The following PCDH15 variants were observed in gnomAD, a reference collection of about 807,000 sequenced individuals.
The protein encoded by PCDH15 is protocadherin-15.
Under a neutral mutation model 178.5 loss-of-function variants are expected in PCDH15, and 129 were observed. The ratio of observed to expected loss-of-function variants is 0.72; its 90% CI spans 0.63 to 0.84. The LOEUF (loss-of-function observed/expected upper bound fraction) is 0.84, where lower values mean the gene tolerates loss of function less well. PCDH15 is among the 40% of genes least tolerant of loss of function. PCDH15 has a pLI of 0.00. For synonymous variants in PCDH15, 800 were observed against 732.0 expected (o/e 1.09, Z -1.50); for missense variants, 2,230 against 2,099.9 (o/e 1.06, Z -1.21).
intron 5 of PCDH15, among the ~76,000 whole-genome samples, chr10:54,360,590 G>A (rs1314223262): frequency 6.6e-6 from 1 of 151,684 alleles, no homozygotes; most frequent in African/African-American, 2.4e-5. Flanking sequence ...TAAATTTGTG[G>A]GATTCTATAG....
At chr10:54,802,216 A>T (rs892803249), upstream of PCDH15, among the ~76,000 whole-genome samples, 1 of 152,230 alleles carries the variant, frequency 6.6e-6, no homozygotes, top group Non-Finnish European at 1.5e-5. Flanking sequence ...GAAGAAAAAG[A>T]AAACCATGCC....
At chr10:54,821,774 C>T (rs1953045381) in intron 3 of PCDH15, among the ~76,000 whole-genome samples, 1 of 151,992 alleles carries the variant, frequency 6.6e-6, no homozygotes, top group Non-Finnish European at 1.5e-5. Context: ...AAATTGTGAG[C>T]ATTGTCATTT....
At chr10:55,617,136 T>C (rs1007578970) in intron 2 of PCDH15, among the ~76,000 whole-genome samples, 2 of 152,046 alleles carry the variant, frequency 1.3e-5, no homozygotes, top group Non-Finnish European at 2.9e-5. Context: ...TTTTTGTAAA[T>C]GCCTATATGA....
intron 8 of PCDH15, among the ~76,000 whole-genome samples, chr10:54,288,539 C>T (rs910780275): frequency 9.2e-5 from 14 of 151,950 alleles, no homozygotes; most frequent in African/African-American, 1.9e-4. Context: ...CCACGGAGGG[C>T]GAGCCACAGC....
At position 54,945,684 on chromosome 10, in the gene PCDH15, G is replaced by A. The variant is rs559614772; in HGVS notation, c.-79-48184C>T. ...TCTAAACAGTAGCCTTTCTAAAATG[G>A]CCATCCAAGCAGCCATTGGAGTTTA... On this transcript the variant is annotated intron_variant, in intron 2 of 5. Transcript: ENST00000458638. Among the ~76,000 whole-genome samples, 3 of 151,676 alleles carry A rather than the reference G, an allele frequency of 2.0e-5. No homozygotes were observed. In the East Asian group the frequency reaches 5.8e-4, roughly 30 times the overall value.
At chr10:55,040,934 TAAG>T (rs1262630485) in intron 2 of PCDH15, among the ~76,000 whole-genome samples, 2 of 152,094 alleles carry the variant, frequency 1.3e-5, no homozygotes, top group Non-Finnish European at 2.9e-5. Flanking sequence ...TAATTTGAAA[TAAG>T]AAATTCAAAC....
At chr10:54,464,510 C>T (rs1279482663) in intron 3 of PCDH15, among the ~76,000 whole-genome samples, 2 of 152,026 alleles carry the variant, frequency 1.3e-5, no homozygotes, top group African/African-American at 4.8e-5. Context: ...TTTGTGTTTA[C>T]ACAGAATAAT....
chr10:54,485,265 C>A (rs904709936), intron 3 of PCDH15, among the ~76,000 whole-genome samples: 1 of 151,564 alleles, frequency 6.6e-6, no homozygotes, highest in African/African-American at 2.4e-5. Flanking sequence ...TTCATTTTAC[C>A]CTAGAAAATC....
intron 18 of PCDH15, among the ~76,000 whole-genome samples, chr10:54,037,309 A>C (rs2093438074): frequency 6.6e-6 from 1 of 152,120 alleles, no homozygotes; most frequent in South Asian, 2.1e-4. Context: ...TACAGAAAAA[A>C]ATTTAATGAA....
At chr10:54,931,594 G>A in intron 2 of PCDH15, among the ~76,000 whole-genome samples, 1 of 152,142 alleles carries the variant, frequency 6.6e-6, no homozygotes, top group African/African-American at 2.4e-5. Flanking sequence ...TCTGTAAGTG[G>A]GTGGTATTCA....
intron 2 of PCDH15, among the ~76,000 whole-genome samples, chr10:54,593,424 G>T (rs1272824437): frequency 6.6e-6 from 1 of 152,046 alleles, no homozygotes; most frequent in African/African-American, 2.4e-5. Context: ...ATTTATTGAA[G>T]AAAATACCTT....
intron 2 of PCDH15, among the ~76,000 whole-genome samples, chr10:54,610,759 A>G (rs1475346401): frequency 6.6e-6 from 1 of 151,924 alleles, no homozygotes; most frequent in East Asian, 1.9e-4. Context: ...ATCAGGGAGA[A>G]GATATTCTGA....
At chr10:54,507,599 T>C (rs1460883181) in intron 3 of PCDH15, among the ~76,000 whole-genome samples, 3 of 152,004 alleles carry the variant, frequency 2.0e-5, no homozygotes, top group African/African-American at 7.2e-5. Flanking sequence ...GCATGCATTT[T>C]ACTCATATGA....
At chr10:54,477,295 A>G (rs2136834457) in intron 3 of PCDH15, among the ~76,000 whole-genome samples, 1 of 152,178 alleles carries the variant, frequency 6.6e-6, no homozygotes, top group East Asian at 1.9e-4. Context: ...TCTTTGGCCA[A>G]TTCCTACATA....
intron 3 of PCDH15, among the ~76,000 whole-genome samples, chr10:54,893,081 C>T (rs771086606): frequency 1.8e-4 from 27 of 152,112 alleles, no homozygotes; most frequent in Non-Finnish European, 4.0e-4. Flanking sequence ...CTTAAACTAT[C>T]TACACTATTA....
At chr10:55,178,236 G>A (rs569172136) in intron 1 of PCDH15, among the ~76,000 whole-genome samples, 1 of 152,248 alleles carries the variant, frequency 6.6e-6, no homozygotes, top group African/African-American at 2.4e-5. Context: ...ACAGCCAAGG[G>A]AAATACATTG....
intron 2 of PCDH15, among the ~76,000 whole-genome samples, chr10:55,568,507 G>A (rs1229591663): frequency 6.6e-6 from 1 of 151,886 alleles, no homozygotes; most frequent in East Asian, 1.9e-4. Context: ...ATTACATTAT[G>A]TGTATTTTTA....
At chr10:54,010,273 G>A (rs1442844847) in intron 20 of PCDH15, among the ~76,000 whole-genome samples, 1 of 152,036 alleles carries the variant, frequency 6.6e-6, no homozygotes, top group East Asian at 1.9e-4. Flanking sequence ...TTTTCCATGT[G>A]GGTCCACACC....
At chr10:55,113,263 A>G (rs1318065277) in intron 2 of PCDH15, among the ~76,000 whole-genome samples, 1 of 152,158 alleles carries the variant, frequency 6.6e-6, no homozygotes, top group Admixed American at 6.5e-5. Flanking sequence ...TAATTTATTC[A>G]TATTTTCTTG....
Sources: allele counts gnomAD v4.1 joint callset (sites outside exome capture counted in the v4.1 genomes callset), GRCh38; gene constraint gnomAD v4.1.1; transcripts MANE v1.5; gene names NCBI Gene and HGNC (gene_info 2026-07-23, HGNC 2026-07-21).